Variants in OTUD7A observed in about 807,000 individuals in gnomAD.
OTUD7A encodes OTU deubiquitinase 7A.
Under a neutral mutation model 65.7 loss-of-function variants are expected in OTUD7A, and 12 were observed. The ratio of observed to expected loss-of-function variants is 0.18; its 90% CI spans 0.12 to 0.30. The LOEUF (loss-of-function observed/expected upper bound fraction) is 0.30. Ranked by LOEUF, OTUD7A falls within the 10% of genes least tolerant of loss-of-function variation. The pLI, the probability that OTUD7A is intolerant of heterozygous loss-of-function variation, is 1.00. For synonymous variants in OTUD7A, 641 were observed against 586.3 expected, an observed-to-expected ratio of 1.09 and a Z score of -1.35; for missense variants, 1,148 against 1,304.8, an observed-to-expected ratio of 0.88 and a Z score of 1.85.
rs758615404 is a variant in OTUD7A, at chr15:31,763,080, C to T, written c.-99-106003G>A. On this transcript the variant is annotated intron_variant, in intron 1 of 12. Coordinates refer to ENST00000307050, the MANE Select transcript of OTUD7A (RefSeq NM_001382637.1). ...GGCGGATCACCTGAGGTCAGGAGTT[C>T]AAGACCAGGTTGGCCAACATGGTGA... Among the ~76,000 whole-genome samples the T allele has an allele frequency of 2.6e-5, 4 of 152,084 alleles. 1 individual carries two copies. The highest frequency in any genetic ancestry group is 1.3e-4 in the Admixed American group (2 of 15,270).
chr15:31,642,854 T>C (rs995078757), intron 3 of OTUD7A, among the ~76,000 whole-genome samples: 7 of 152,150 alleles, frequency 4.6e-5, no homozygotes, highest in African/African-American at 1.7e-4. Flanking sequence ...TGACTTTCTC[T>C]ACTATTTTTC....
chr15:31,621,339 G>A lies in OTUD7A; in HGVS notation c.151+33757C>T, dbSNP rs536099350. ...GATATCCTAGTTAACTTTCTGTTTC[G>A]TTGATCTGTCTATCGTTGACAGTGG... On this transcript the variant is annotated intron_variant, in intron 3 of 12. Transcript: ENST00000307050. 1.8e-4 allele frequency among the ~76,000 whole-genome samples: 28 copies of A among 152,220 alleles called. No individual in the cohort carries two copies. The East Asian group carries it at 4.2e-3, about 23-fold the overall frequency.
intron 1 of OTUD7A, chr15:31,766,971 TATTAA>T: frequency 6.2e-7 from 1 of 1,611,798 alleles, no homozygotes; most frequent in Non-Finnish European, 8.5e-7. Context: ...TACTTAACCC[TATTAA>T]ATTATGACAA....
At chr15:31,577,298 C>A (rs28693758) in intron 3 of OTUD7A, among the ~76,000 whole-genome samples, 53 of 152,266 alleles carry the variant, frequency 3.5e-4, no homozygotes, top group Non-Finnish European at 6.9e-4. Context: ...AGGCTGCTAG[C>A]TGGAGACTTC....
intron 3 of OTUD7A, among the ~76,000 whole-genome samples, chr15:31,617,070 G>A (rs1463946002): frequency 6.6e-6 from 1 of 152,148 alleles, no homozygotes; most frequent in African/African-American, 2.4e-5. Flanking sequence ...AATGCTGAGA[G>A]GGTAGATCTA....
intron 1 of OTUD7A, among the ~76,000 whole-genome samples, chr15:31,837,394 A>AC (rs969499974): frequency 2.7e-5 from 4 of 146,968 alleles, no homozygotes; most frequent in African/African-American, 1.0e-4. Flanking sequence ...AAAAAAAAAA[A>AC]AATTAGCCAG....
intron 1 of OTUD7A, among the ~76,000 whole-genome samples, chr15:31,725,334 G>C (rs1893854573): frequency 6.6e-6 from 1 of 152,120 alleles, no homozygotes; most frequent in South Asian, 2.1e-4. Context: ...TTCCATTCCT[G>C]TTCTACTACT....
At chr15:31,702,948 C>CA (rs771357857) in intron 1 of OTUD7A, among the ~76,000 whole-genome samples, 2 of 151,412 alleles carry the variant, frequency 1.3e-5, no homozygotes, top group Non-Finnish European at 2.9e-5. Context: ...TGATTTTTGA[C>CA]AGAGGTGAAA....
intron 1 of OTUD7A, among the ~76,000 whole-genome samples, chr15:31,731,030 T>A (rs1012256090): frequency 9.2e-5 from 14 of 152,330 alleles, no homozygotes; most frequent in Non-Finnish European, 1.6e-4. Flanking sequence ...TTCTCCCTAA[T>A]AGTTGAAATG....
intron 3 of OTUD7A, among the ~76,000 whole-genome samples, chr15:31,629,163 CT>C (rs1330379264): frequency 3.3e-5 from 5 of 152,096 alleles, no homozygotes; most frequent in East Asian, 1.9e-4. Flanking sequence ...GCATCCCTGT[CT>C]TATGCCAGTT....
intron 1 of OTUD7A, among the ~76,000 whole-genome samples, chr15:31,749,520 G>C (rs759565207): frequency 3.3e-5 from 5 of 152,146 alleles, no homozygotes; most frequent in Non-Finnish European, 7.4e-5. Context: ...TAATGGCAGT[G>C]TTATAATAGT....
At chr15:31,738,192 A>T (rs1157943568) in intron 1 of OTUD7A, among the ~76,000 whole-genome samples, 1 of 152,000 alleles carries the variant, frequency 6.6e-6, no homozygotes, top group Non-Finnish European at 1.5e-5. Flanking sequence ...AAGACAGAAG[A>T]ACTTGGGCAT....
At chr15:31,515,905 C>G (rs539455716) in intron 8 of OTUD7A, among the ~76,000 whole-genome samples, 1 of 150,140 alleles carries the variant, frequency 6.7e-6, no homozygotes, top group East Asian at 2.0e-4. Flanking sequence ...CACCCATCCA[C>G]CTGTCCATCC....
At chr15:31,577,898 CA>C (rs1282100923) in intron 3 of OTUD7A, among the ~76,000 whole-genome samples, 5 of 150,174 alleles carry the variant, frequency 3.3e-5, no homozygotes. Context: ...AAATTCACAT[CA>C]AAAAATAAGC....
rs549897445 is a variant in OTUD7A, at chr15:31,789,818, G to T, written c.-100+80689C>A. Among the ~76,000 whole-genome samples, 78 of 150,918 alleles carry T rather than the reference G, an allele frequency of 5.2e-4. 2 individuals are homozygous for T. The highest frequency in any genetic ancestry group is 3.3e-4 in the Admixed American group (5 of 14,996). On this transcript the variant is annotated intron_variant, in intron 1 of 12. Coordinates refer to ENST00000307050, the MANE Select transcript of OTUD7A (RefSeq NM_001382637.1). ...CCTCCCAGGTTCAAGCGATTCTCCT[G>T]CTGAGGTTGGGAGTTCAAGACCAGC... is the stretch of plus-strand genomic sequence containing the variant.
chr15:31,728,398 C>T (rs780300195), intron 1 of OTUD7A, among the ~76,000 whole-genome samples: 1 of 152,188 alleles, frequency 6.6e-6, no homozygotes, highest in Non-Finnish European at 1.5e-5. Context: ...ATCCATTTTC[C>T]GTTTAGTGAT....
chr15:31,594,355 A>C (rs1164402771), intron 3 of OTUD7A, among the ~76,000 whole-genome samples: 2 of 152,204 alleles, frequency 1.3e-5, no homozygotes, highest in Non-Finnish European at 2.9e-5. Context: ...AAATCACTTC[A>C]TGTCTCTTGA....
At chr15:31,657,897 G>A (rs1262030982) in intron 1 of OTUD7A, among the ~76,000 whole-genome samples, 2 of 152,166 alleles carry the variant, frequency 1.3e-5, no homozygotes, top group East Asian at 1.9e-4. Context: ...CTGGGTGGCC[G>A]TGCCCTGGCC....
chr15:31,799,005 G>A (rs1033546205), intron 1 of OTUD7A, among the ~76,000 whole-genome samples: 10 of 152,228 alleles, frequency 6.6e-5, no homozygotes, highest in African/African-American at 2.4e-4. Context: ...AGGGGCCAGG[G>A]TGGAGAGGGC....
Sources: gnomAD v4.1 joint callset for allele counts (sites outside exome capture counted in the v4.1 genomes callset) on GRCh38, gnomAD v4.1.1 for gene constraint, MANE v1.5 for transcripts, NCBI Gene and HGNC (gene_info 2026-07-23, HGNC 2026-07-21) for gene names.